GALK2: variants seen among roughly 807,000 people sequenced by gnomAD.
GALK2 encodes N-acetylgalactosamine kinase.
A neutral mutation model predicts 52.4 loss-of-function variants in GALK2; 36 were observed. That is an observed-to-expected ratio of 0.69 (90% confidence interval 0.53 to 0.91). GALK2 has a LOEUF of 0.91. Ranked by LOEUF, GALK2 falls within the 40% of genes least tolerant of loss-of-function variation. The probability of loss-of-function intolerance (pLI) is 0.00; values close to 1 mark genes in which losing one functional copy is unlikely to be tolerated. For missense variants in GALK2, 579 were observed against 559.1 expected (o/e 1.04, Z -0.36); for synonymous variants, 176 against 199.1 (o/e 0.88, Z 0.98).
intron 8 of GALK2, among the ~76,000 whole-genome samples, chr15:49,312,135 A>G (rs919420814): frequency 3.9e-5 from 6 of 151,934 alleles, no homozygotes; most frequent in African/African-American, 1.5e-4. Flanking sequence ...CACCCTCTTG[A>G]CTGTGTGCAT....
chr15:49,235,920 A>G lies in GALK2; in HGVS notation c.336A>G (p.Leu112=), dbSNP rs546498438. The G allele has an allele frequency of 1.2e-6, 2 of 1,611,580 alleles. No individual in the cohort carries two copies. Among genetic ancestry groups the G allele is most frequent in the South Asian group, 2.2e-5 (2 of 91,040 alleles). ...KTKPLWHNYF[L]CGLKGIQEHF... is the part of the protein sequence containing the mutation. Reference sequence around the variant, plus strand: ...AGCCTTTGTGGCACAACTATTTCTTATGTGGACTTAAAGGAATTCAGGTAA... The same window carrying G: ...AGCCTTTGTGGCACAACTATTTCTTGTGTGGACTTAAAGGAATTCAGGTAA... Residue 112 remains leucine (L), a synonymous_variant, in exon 4 of 10, where the codon TTA becomes TTG. Transcript: ENST00000560031.
intron 2 of GALK2, among the ~76,000 whole-genome samples, chr15:49,207,924 C>A (rs1424724500): frequency 6.6e-6 from 1 of 152,104 alleles, no homozygotes; most frequent in Non-Finnish European, 1.5e-5. Flanking sequence ...AGGCACCCAC[C>A]ACCATGCCCA....
At chr15:49,190,193 G>A (rs894913286) in intron 1 of GALK2, among the ~76,000 whole-genome samples, 7 of 152,056 alleles carry the variant, frequency 4.6e-5, no homozygotes, top group African/African-American at 7.2e-5. Context: ...CAAATTATCC[G>A]ATTTCTATGT....
At chr15:49,358,742 A>C (rs1296883545) in intron 3 of GALK2, among the ~76,000 whole-genome samples, 1 of 152,060 alleles carries the variant, frequency 6.6e-6, no homozygotes, top group Non-Finnish European at 1.5e-5. Flanking sequence ...AACTACTTTA[A>C]AGTTCATATG....
intron 1 of GALK2, among the ~76,000 whole-genome samples, chr15:49,188,874 G>T (rs929277547): frequency 9.2e-5 from 14 of 152,184 alleles, no homozygotes; most frequent in African/African-American, 3.1e-4. Flanking sequence ...ATAGAGAGGT[G>T]CTAGGCTAGG....
At chr15:49,175,001 GCCC>G (rs1474227884) in intron 1 of GALK2, among the ~76,000 whole-genome samples, 11 of 152,206 alleles carry the variant, frequency 7.2e-5, no homozygotes, top group African/African-American at 2.6e-4. Flanking sequence ...TGGGTTTTAG[GCCC>G]CACAGAGTCT....
intron 3 of GALK2, chr15:49,344,238 T>A (rs2041143690): frequency 6.6e-6 from 1 of 152,154 alleles, no homozygotes; most frequent in Non-Finnish European, 1.5e-5. Context: ...CTCCAAAAAA[T>A]AAAAATTATT....
intron 1 of GALK2, among the ~76,000 whole-genome samples, chr15:49,184,915 A>C (rs2086240025): frequency 6.6e-6 from 1 of 152,064 alleles, no homozygotes; most frequent in Non-Finnish European, 1.5e-5. Flanking sequence ...ATAGTGTTAC[A>C]ATGTTCTGTG....
intron 7 of GALK2, among the ~76,000 whole-genome samples, chr15:49,286,544 A>G (rs751285928): frequency 2.9e-4 from 44 of 152,234 alleles, no homozygotes; most frequent in Non-Finnish European, 5.0e-4. Flanking sequence ...TTTCTGGAAT[A>G]TTTGGGGGGC....
chr15:49,221,499 C>G (rs1423939131), intron 3 of GALK2, among the ~76,000 whole-genome samples: 1 of 151,914 alleles, frequency 6.6e-6, no homozygotes, highest in Non-Finnish European at 1.5e-5. Flanking sequence ...AGCCCTGTCT[C>G]TATTAAAAAT....
chr15:49,292,303 C>A (rs374259047), intron 7 of GALK2, 24 bp from the exon 8 acceptor site: 8 of 1,594,052 alleles, frequency 5.0e-6, no homozygotes, highest in East Asian at 2.2e-5. Context: ...CAAAACTGAC[C>A]ATTATCTTGA....
chr15:49,366,802 G>A (rs1264195275), intron 3 of GALK2: 6 of 564,128 alleles, frequency 1.1e-5, no homozygotes, highest in African/African-American at 1.0e-4. Context: ...TGGGATCGCC[G>A]CTGCTGCAGG....
At chr15:49,335,436 G>A (rs201599069), downstream of GALK2, 9 of 1,611,766 alleles carry the variant, frequency 5.6e-6, no homozygotes, top group African/African-American at 1.2e-4. Context: ...AATCCTTTTG[G>A]TTCCTTGCAA....
intron 3 of GALK2, among the ~76,000 whole-genome samples, chr15:49,348,060 T>G (rs2041784210): frequency 6.6e-6 from 1 of 150,714 alleles, no homozygotes; most frequent in Non-Finnish European, 1.5e-5. Context: ...ATAAAAAGTG[T>G]TAGTGCTTCA....
chr15:49,299,734 C>T (rs866413948), intron 8 of GALK2, among the ~76,000 whole-genome samples: 4 of 48,362 alleles, frequency 8.3e-5, no homozygotes, highest in East Asian at 3.9e-4. Flanking sequence ...TTCTTTCTTT[C>T]TTTTCTTTCT....
At chr15:49,160,548 C>G (rs1255333705) in intron 1 of GALK2, among the ~76,000 whole-genome samples, 1 of 152,000 alleles carries the variant, frequency 6.6e-6, no homozygotes, top group Non-Finnish European at 1.5e-5. Context: ...ATCTCGTTTA[C>G]TACTGTTGAC....
rs150054269 is a variant in GALK2, at chr15:49,252,506, G to A, written c.504+13139G>A. On this transcript the variant is annotated intron_variant, in intron 5 of 9. Transcript: ENST00000560031. Reference sequence around the variant, plus strand: ...ATTGGACATTTCAGTTGTTTCCAGGGTTTTGTATAATATCAGTTTTAATAC... The same window carrying A: ...ATTGGACATTTCAGTTGTTTCCAGGATTTTGTATAATATCAGTTTTAATAC... Among the ~76,000 whole-genome samples, 863 of 152,148 alleles carry A rather than the reference G, an allele frequency of 5.7e-3. 6 individuals are homozygous for A. Among genetic ancestry groups the A allele is most frequent in the African/African-American group, 0.02 (821 of 41,510 alleles).
intron 3 of GALK2, among the ~76,000 whole-genome samples, chr15:49,228,682 T>TATATATACATAC (rs1555409030): frequency 6.9e-5 from 1 of 14,554 alleles, no homozygotes; most frequent in African/African-American, 2.9e-4. Flanking sequence ...TATATATATA[T>TATATATACATAC]ATATATTTTT....
At chr15:49,173,971 G>C (rs2085273729) in intron 1 of GALK2, among the ~76,000 whole-genome samples, 1 of 152,090 alleles carries the variant, frequency 6.6e-6, no homozygotes, top group South Asian at 2.1e-4. Flanking sequence ...TTGAACTCCT[G>C]ACCTCAAGTG....
Sources: gnomAD v4.1 joint callset for allele counts (sites outside exome capture counted in the v4.1 genomes callset) on GRCh38, gnomAD v4.1.1 for gene constraint, MANE v1.5 for transcripts, NCBI Gene and HGNC (gene_info 2026-07-23, HGNC 2026-07-21) for gene names.